Variants in TRAPPC9 observed in about 807,000 individuals in gnomAD.
TRAPPC9 encodes the protein trafficking protein particle complex subunit 9, also known as IKK2 binding protein.
Under a neutral mutation model 124.0 loss-of-function variants are expected in TRAPPC9, and 83 were observed. That is an observed-to-expected ratio of 0.67 (90% CI 0.56 to 0.80). TRAPPC9 has a LOEUF of 0.80. TRAPPC9 is among the 30% of genes least tolerant of loss of function. The pLI is 0.00. For synonymous variants in TRAPPC9, 638 were observed against 617.5 expected (o/e 1.03, Z -0.49); for missense variants, 1,302 against 1,508.3 (o/e 0.86, Z 2.27).
At chr8:140,145,588 T>A (rs1563795605) in intron 17 of TRAPPC9, among the ~76,000 whole-genome samples, 1 of 152,264 alleles carries the variant, frequency 6.6e-6, no homozygotes, top group Non-Finnish European at 1.5e-5. Flanking sequence ...GGAAATGTTC[T>A]GCTGTAGAAC....
At chr8:140,078,595 CA>C (rs1843641311) in intron 17 of TRAPPC9, among the ~76,000 whole-genome samples, 1 of 152,030 alleles carries the variant, frequency 6.6e-6, no homozygotes, top group Non-Finnish European at 1.5e-5. Flanking sequence ...GCAGTATGGG[CA>C]AAAACATGAA....
At chr8:139,765,296 A>C (rs1243282641) in intron 21 of TRAPPC9, among the ~76,000 whole-genome samples, 1 of 152,246 alleles carries the variant, frequency 6.6e-6, no homozygotes, top group African/African-American at 2.4e-5. Context: ...GAGGTCAAGA[A>C]GACCCCACTG....
intron 19 of TRAPPC9, among the ~76,000 whole-genome samples, chr8:139,958,955 C>T (rs985070684): frequency 0.059 from 5,673 of 96,558 alleles, 16 homozygotes; most frequent in East Asian, 0.12. Context: ...CCGAGTCACA[C>T]GGGGGAGCCC....
chr8:139,915,234 G>A (rs918583196), intron 19 of TRAPPC9, among the ~76,000 whole-genome samples: 2 of 152,128 alleles, frequency 1.3e-5, no homozygotes, highest in Non-Finnish European at 2.9e-5. Flanking sequence ...TGCTAGAGTG[G>A]GTTCTAATGT....
At chr8:140,017,942 C>A (rs1839574597) in intron 18 of TRAPPC9, among the ~76,000 whole-genome samples, 1 of 152,080 alleles carries the variant, frequency 6.6e-6, no homozygotes, top group African/African-American at 2.4e-5. Flanking sequence ...CTCCTGGGTT[C>A]AGGTGATTCT....
chr8:140,206,350 T>G (rs1456018194), intron 17 of TRAPPC9, among the ~76,000 whole-genome samples: 1 of 152,216 alleles, frequency 6.6e-6, no homozygotes, highest in East Asian at 1.9e-4. Context: ...AGTCTTACGT[T>G]TGCTTTCTTG....
At chr8:139,792,976 T>C (rs987039114) in intron 21 of TRAPPC9, among the ~76,000 whole-genome samples, 2 of 152,180 alleles carry the variant, frequency 1.3e-5, no homozygotes, top group Non-Finnish European at 2.9e-5. Flanking sequence ...CCTGGCATCT[T>C]GGGGCCCACA....
intron 21 of TRAPPC9, among the ~76,000 whole-genome samples, chr8:139,815,973 CAGTG>C (rs1463732431): frequency 5.9e-5 from 9 of 152,202 alleles, no homozygotes; most frequent in Non-Finnish European, 1.2e-4. Flanking sequence ...GGGACACGGG[CAGTG>C]AGTGACGGAG....
At chr8:140,294,477 T>G (rs1362358712) in intron 11 of TRAPPC9, among the ~76,000 whole-genome samples, 3 of 152,122 alleles carry the variant, frequency 2.0e-5, no homozygotes, top group African/African-American at 7.2e-5. Context: ...ATGATGATGA[T>G]GATGATGATA....
At chr8:140,044,485 C>G (rs1841462982) in intron 17 of TRAPPC9, among the ~76,000 whole-genome samples, 1 of 152,154 alleles carries the variant, frequency 6.6e-6, no homozygotes, top group African/African-American at 2.4e-5. Flanking sequence ...CTTTGAAGAC[C>G]ATGCTAACAG....
intron 21 of TRAPPC9, among the ~76,000 whole-genome samples, chr8:139,884,881 G>A (rs1036648500): frequency 6.6e-6 from 1 of 152,208 alleles, no homozygotes; most frequent in Non-Finnish European, 1.5e-5. Context: ...GCTTTCACCT[G>A]TGAGGAGCCA....
intron 10 of TRAPPC9, among the ~76,000 whole-genome samples, chr8:140,305,835 C>T (rs1319987498): frequency 6.6e-6 from 1 of 152,188 alleles, no homozygotes; most frequent in African/African-American, 2.4e-5. Flanking sequence ...TTGATCCATG[C>T]ATGGGAGGTA....
chr8:139,753,911 T>C (rs748012115), intron 21 of TRAPPC9, among the ~76,000 whole-genome samples: 41 of 152,342 alleles, frequency 2.7e-4, no homozygotes, highest in Admixed American at 1.2e-3. Flanking sequence ...GTCTGTCTCC[T>C]CAGCTGAAGC....
At chr8:140,371,709 TTC>T in intron 7 of TRAPPC9, among the ~76,000 whole-genome samples, 1 of 151,592 alleles carries the variant, frequency 6.6e-6, no homozygotes, top group East Asian at 1.9e-4. Flanking sequence ...TCTGTTTCTT[TTC>T]TTTTTTTTTT....
intron 20 of TRAPPC9, among the ~76,000 whole-genome samples, chr8:139,908,925 A>G (rs1831531374): frequency 6.6e-6 from 1 of 152,202 alleles, no homozygotes; most frequent in Admixed American, 6.5e-5. Flanking sequence ...CCTGTTCACT[A>G]CGTGAGTCCC....
At chr8:139,996,107 C>T (rs766065241) in intron 18 of TRAPPC9, among the ~76,000 whole-genome samples, 5 of 77,530 alleles carry the variant, frequency 6.4e-5, no homozygotes, top group South Asian at 4.5e-4. Flanking sequence ...AGTGAAAAGA[C>T]GGAAAATCTC....
chr8:140,203,695 G>A (rs1306425740), intron 17 of TRAPPC9, among the ~76,000 whole-genome samples: 1 of 152,248 alleles, frequency 6.6e-6, no homozygotes, highest in African/African-American at 2.4e-5. Context: ...CCAGCTGGAA[G>A]AGATCAAACG....
At chr8:140,344,384 T>C (rs2067276322) in intron 9 of TRAPPC9, among the ~76,000 whole-genome samples, 1 of 151,412 alleles carries the variant, frequency 6.6e-6, no homozygotes, top group Admixed American at 6.6e-5. Flanking sequence ...ATGGGGAAAA[T>C]GAGGTGGGGA....
At chr8:140,281,127 T>C (rs1389868022) in intron 14 of TRAPPC9, among the ~76,000 whole-genome samples, 1 of 152,236 alleles carries the variant, frequency 6.6e-6, no homozygotes, top group African/African-American at 2.4e-5. Context: ...TGTCAACATA[T>C]GTGTTCCATT....
Sources: gnomAD v4.1 joint callset for allele counts (sites outside exome capture counted in the v4.1 genomes callset) on GRCh38, gnomAD v4.1.1 for gene constraint, MANE v1.5 for transcripts, NCBI Gene and HGNC (gene_info 2026-07-23, HGNC 2026-07-21) for gene names.